Variants in LARP4B observed in about 807,000 individuals in gnomAD.
The protein encoded by LARP4B is La ribonucleoprotein 4B, also known as la-related protein 4B.
In LARP4B, 12 loss-of-function variants were observed where a neutral mutation model predicts 89.8. The observed-to-expected ratio is 0.13, with a 90% CI of 0.09 to 0.22. LARP4B has a LOEUF of 0.22. Among genes scored for constraint, LARP4B ranks in the 10% least tolerant of loss-of-function variants. LARP4B has a pLI of 1.00. For synonymous variants in LARP4B, 367 were observed against 363.3 expected (o/e 1.01, Z -0.12); for missense variants, 757 against 947.7 (o/e 0.80, Z 2.64).
At chr10:844,937 T>C (rs1293706937) in intron 6 of LARP4B, 40 bp downstream of exon 6, 1 of 1,446,062 alleles carries the variant, frequency 6.9e-7, no homozygotes, top group South Asian at 1.2e-5. Context: ...TGCACAATAC[T>C]AGAAATATCA....
chr10:814,626 T>C lies in LARP4B; in HGVS notation c.1929+116A>G. ...AAAACACAACACAGACAGACGCAAA[T>C]AAAAACCCACCAAATTAGATGTGAT... On this transcript the variant is annotated intron_variant, in intron 17 of 17. Transcript: ENST00000316157. The surrounding 1 kb of genome is among the most constrained non-coding windows in gnomAD (Gnocchi z 4.4). 6.5e-7 allele frequency: 1 copy of C among 1,549,408 alleles called. No homozygotes were observed.
At chr10:883,459 A>C (rs1835748471) in intron 3 of LARP4B, among the ~76,000 whole-genome samples, 1 of 152,196 alleles carries the variant, frequency 6.6e-6, no homozygotes, top group African/African-American at 2.4e-5. Context: ...TGCGGTGACC[A>C]AGATCGCACC....
At chr10:909,286 T>C (rs1278689254) in intron 1 of LARP4B, among the ~76,000 whole-genome samples, 1 of 98,708 alleles carries the variant, frequency 1.0e-5, no homozygotes, top group Non-Finnish European at 2.0e-5. Flanking sequence ...AGAGCACGAC[T>C]CCGTCTCAAA....
At chr10:808,323 G>A (rs1194156845), downstream of LARP4B, 4 of 152,228 alleles carry the variant, frequency 2.6e-5, no homozygotes, top group African/African-American at 7.2e-5. Context: ...CACATTTACC[G>A]AGTATCTGCT....
At chr10:894,899 A>G (rs914553747) in intron 1 of LARP4B, among the ~76,000 whole-genome samples, 1 of 152,178 alleles carries the variant, frequency 6.6e-6, no homozygotes, top group African/African-American at 2.4e-5. Context: ...AACTGTCCAC[A>G]ATAAGCCAGG....
At chr10:894,869 CTCTACT>C (rs1282334641) in intron 1 of LARP4B, among the ~76,000 whole-genome samples, 1 of 152,154 alleles carries the variant, frequency 6.6e-6, no homozygotes, top group East Asian at 1.9e-4. Context: ...ATAGTATCCT[CTCTACT>C]TCTATGTGTT....
At chr10:831,285 T>TTG (rs1832891183) in intron 8 of LARP4B, among the ~76,000 whole-genome samples, 1 of 149,126 alleles carries the variant, frequency 6.7e-6, no homozygotes, top group Admixed American at 6.6e-5. Flanking sequence ...ACTTTTTTTT[T>TTG]TTTTTTTTTT....
the LARP4B span, among the ~76,000 whole-genome samples, chr10:964,815 G>A: frequency 6.6e-6 from 1 of 152,232 alleles, no homozygotes; most frequent in East Asian, 1.9e-4. Flanking sequence ...GACCTCACCA[G>A]CTGTGTGTTT....
At chr10:947,826 T>C in the LARP4B span, among the ~76,000 whole-genome samples, 2 of 152,160 alleles carry the variant, frequency 1.3e-5, no homozygotes, top group Non-Finnish European at 2.9e-5. Flanking sequence ...TTTCTCCATG[T>C]TGGTCAGGCT....
chr10:946,034 G>A, the LARP4B span, among the ~76,000 whole-genome samples: 2,690 of 152,276 alleles, frequency 0.018, 46 homozygotes, highest in Non-Finnish European at 0.025. Flanking sequence ...TACGGCCAGC[G>A]GAGTAGACTT....
At chr10:962,225 G>A in the LARP4B span, among the ~76,000 whole-genome samples, 1 of 151,062 alleles carries the variant, frequency 6.6e-6, no homozygotes, top group South Asian at 2.1e-4. Context: ...GAACCCAGGA[G>A]GCAGAGGTTG....
intron 14 of LARP4B, 70 bp downstream of exon 14, chr10:820,730 A>C: frequency 7.4e-7 from 1 of 1,349,326 alleles, no homozygotes; most frequent in Non-Finnish European, 1.0e-6. Flanking sequence ...AATCCATTTA[A>C]TTAAATCTCA....
chr10:881,779 C>T (rs961616066), intron 3 of LARP4B, among the ~76,000 whole-genome samples: 8 of 152,196 alleles, frequency 5.3e-5, no homozygotes, highest in East Asian at 1.9e-4. Context: ...TCCAGGTGTA[C>T]GCTCATCTTG....
intron 5 of LARP4B, among the ~76,000 whole-genome samples, chr10:857,779 T>C (rs1045535655): frequency 1.3e-5 from 2 of 152,224 alleles, no homozygotes; most frequent in Non-Finnish European, 2.9e-5. Flanking sequence ...GAGGTATCTT[T>C]GGAATTGCTT....
At chr10:842,535 T>C (rs1833574646) in intron 7 of LARP4B, among the ~76,000 whole-genome samples, 1 of 152,180 alleles carries the variant, frequency 6.6e-6, no homozygotes, top group African/African-American at 2.4e-5. Flanking sequence ...AATTATTTCA[T>C]CCGAACATAA....
At chr10:930,857 C>A (rs1408415286) in intron 1 of LARP4B, among the ~76,000 whole-genome samples, 1 of 151,980 alleles carries the variant, frequency 6.6e-6, no homozygotes, top group African/African-American at 2.4e-5. Context: ...CGCACCCGCA[C>A]GGCCGCCTAT....
chr10:849,814 A>G (rs1188373446), intron 5 of LARP4B, among the ~76,000 whole-genome samples: 2 of 152,248 alleles, frequency 1.3e-5, no homozygotes, highest in South Asian at 4.1e-4. Context: ...CATTACCACT[A>G]TAGTATCATA....
At chr10:981,924 C>T in the LARP4B span, among the ~76,000 whole-genome samples, 1 of 152,210 alleles carries the variant, frequency 6.6e-6, no homozygotes, top group Admixed American at 6.5e-5. Context: ...AAAGAAATGG[C>T]ACTTGTTTTA....
At chr10:808,865 A>G (rs1301444547), downstream of LARP4B, 1 of 152,112 alleles carries the variant, frequency 6.6e-6, no homozygotes, top group Non-Finnish European at 1.5e-5. Flanking sequence ...AGATTGATAG[A>G]TTTTACTACA....
Sources: allele counts gnomAD v4.1 joint callset (sites outside exome capture counted in the v4.1 genomes callset), GRCh38; gene constraint gnomAD v4.1.1; non-coding constraint Gnocchi (gnomAD v3.1); transcripts MANE v1.5; gene names NCBI Gene and HGNC (gene_info 2026-07-23, HGNC 2026-07-21).